PRKDC: variants seen among roughly 807,000 people sequenced by gnomAD.
PRKDC encodes DNA-dependent protein kinase catalytic subunit.
Under a neutral mutation model 486.9 loss-of-function variants are expected in PRKDC, and 82 were observed. That is an observed-to-expected ratio of 0.17 (90% CI 0.14 to 0.20). The LOEUF is 0.20. PRKDC is among the 10% of genes least tolerant of loss of function. The pLI, the probability that PRKDC is intolerant of heterozygous loss-of-function variation, is 1.00. For missense variants in PRKDC, 4,504 were observed against 5,038.2 expected, an observed-to-expected ratio of 0.89 and a Z score of 3.21; for synonymous variants, 1,895 against 1,837.0, an observed-to-expected ratio of 1.03 and a Z score of -0.81.
At chr8:47,957,035 T>G (rs149266938) in intron 3 of PRKDC, 136 bp downstream of exon 3, 3 of 420,054 alleles carry the variant, frequency 7.1e-6, no homozygotes, top group Non-Finnish European at 1.2e-5. Context: ...TGTAACACAA[T>G]GAAGCAGAAA....
Position 47,882,072 on chromosome 8 carries a change from A to G in PRKDC, c.4802T>C (p.Leu1601Ser), listed in dbSNP as rs1022417579. Residue 1601 changes from leucine (L) to serine (S), a missense_variant, in exon 37 of 86, where the codon TTA (leucine) becomes TCA (serine). This residue lies in a region of PRKDC where 1,969 missense variants were observed against 2,068.9 expected (regional missense o/e 0.95). Transcript: ENST00000314191. ...KMVSAVLNGM[L>S]DQSFRERANQ... ...TGCTCGCTCCCTGAAGCTCTGGTCT[A>G]ACATGCCGTTCAAAACGGCACTCAC... is the stretch of plus-strand genomic sequence containing the variant. The G allele has an allele frequency of 1.9e-6, 3 of 1,613,922 alleles. No homozygotes were observed. Among genetic ancestry groups the G allele is most frequent in the East Asian group, 2.2e-5 (1 of 44,888 alleles).
intron 68 of PRKDC, among the ~76,000 whole-genome samples, chr8:47,811,082 T>C (rs2087317086): frequency 6.6e-6 from 1 of 152,064 alleles, no homozygotes. Flanking sequence ...AGAAGGTAAG[T>C]GAACTTCAGA....
chr8:47,872,744 T>C (rs1233937011), intron 40 of PRKDC, among the ~76,000 whole-genome samples: 2 of 152,122 alleles, frequency 1.3e-5, no homozygotes, highest in East Asian at 1.9e-4. Context: ...GATATAACAA[T>C]TGTAAATATA....
Position 47,777,774 on chromosome 8 carries a change from A to G in PRKDC, c.11954T>C (p.Val3985Ala), listed in dbSNP as rs1370766129. Residue 3985 changes from valine (V) to alanine (A), a missense_variant, in exon 84 of 86, where the codon GTA becomes GCA. Coordinates refer to ENST00000314191, the MANE Select transcript of PRKDC (RefSeq NM_006904.7). ...KETGLMYSIM[V>A]HALRAFRSDP... is the part of the protein sequence containing the mutation. ...TGAGCGGAAGGCCCGGAGTGCGTGT[A>G]CCATGATGCTGTACATAAGGCCCGT... is the stretch of plus-strand genomic sequence containing the variant. 23 of 1,614,018 alleles carry G rather than the reference A, an allele frequency of 1.4e-5. No individual in the cohort carries two copies. The highest frequency in any genetic ancestry group is 5.0e-5 in the Admixed American group (3 of 60,018).
intron 20 of PRKDC, 150 bp from the exon 21 acceptor site, chr8:47,927,503 A>G (rs1361187183): frequency 2.9e-6 from 3 of 1,029,902 alleles, no homozygotes; most frequent in Non-Finnish European, 4.2e-6. Flanking sequence ...GGTAATTAGG[A>G]GGAAAGCAAG....
Position 47,891,875 on chromosome 8 carries a change from T to A in PRKDC, c.3847+1264A>T, listed in dbSNP as rs545620847. Among the ~76,000 whole-genome samples, 339 of 152,288 alleles carry A rather than the reference T, an allele frequency of 2.2e-3. 8 individuals are homozygous for A. Among genetic ancestry groups the A allele is most frequent in the Admixed American group, 0.018 (269 of 15,286 alleles). On this transcript the variant is annotated intron_variant, in intron 31 of 85. Transcript: ENST00000314191. Reference sequence around the variant, plus strand: ...GCACTTATTTATGTGAACAAGTTTTTTTTGTTTTGGTTTTATTTTCTGAGA... The same window carrying A: ...GCACTTATTTATGTGAACAAGTTTTATTTGTTTTGGTTTTATTTTCTGAGA...
intron 60 of PRKDC, 102 bp from the exon 61 acceptor site, chr8:47,830,838 G>A (rs1589726917): frequency 7.0e-7 from 1 of 1,428,500 alleles, no homozygotes; most frequent in South Asian, 1.2e-5. Flanking sequence ...CCATGAGGGC[G>A]AAGTGGTGGG....
intron 69 of PRKDC, 141 bp from the exon 70 acceptor site, chr8:47,803,621 C>A: frequency 1.3e-6 from 1 of 744,238 alleles, no homozygotes; most frequent in South Asian, 1.7e-5. Flanking sequence ...AATTATGTCT[C>A]TAAATTTATC....
At position 47,857,145 on chromosome 8, in the gene PRKDC, T is replaced by G. The variant is rs775082929; in HGVS notation, c.6609+11A>C. 4 of 1,611,478 alleles carry G rather than the reference T, an allele frequency of 2.5e-6. No individual in the cohort carries two copies. Among genetic ancestry groups the G allele is most frequent in the Non-Finnish European group, 3.4e-6 (4 of 1,179,010 alleles). ...ATAATATATTAACATAAAAGATGCA[T>G]CAATCCTTACTGTTGGAGTGGCCAA... is the stretch of plus-strand genomic sequence containing the variant. On this transcript the variant is annotated intron_variant, in intron 49 of 85. Coordinates refer to ENST00000314191, the MANE Select transcript of PRKDC (RefSeq NM_006904.7).
Position 47,830,230 on chromosome 8 carries a change from C to T in PRKDC, c.8397+375G>A, listed in dbSNP as rs887538143. Among the ~76,000 whole-genome samples, 5 of 152,226 alleles carry T rather than the reference C, an allele frequency of 3.3e-5. 1 individual carries two copies. Among genetic ancestry groups the T allele is most frequent in the Admixed American group, 3.3e-4 (5 of 15,284 alleles). ...ACTTTTACACCTGTTTGGTAACCTG[C>T]TGTTTTTATGTAACACGTGGTAGAC... is the stretch of plus-strand genomic sequence containing the variant. On this transcript the variant is annotated intron_variant, in intron 61 of 85. Coordinates refer to ENST00000314191, the MANE Select transcript of PRKDC (RefSeq NM_006904.7).
intron 7 of PRKDC, 132 bp downstream of exon 7, chr8:47,953,488 A>G (rs2090657926): frequency 5.8e-6 from 5 of 865,448 alleles, no homozygotes; most frequent in Non-Finnish European, 9.2e-6. Context: ...GAGGGCCCAC[A>G]GGTCCCTCTA....
chr8:47,895,313 C>G (rs2089553341), intron 30 of PRKDC, among the ~76,000 whole-genome samples: 2 of 152,178 alleles, frequency 1.3e-5, no homozygotes, highest in Non-Finnish European at 2.9e-5. Flanking sequence ...TCAAGGAAGG[C>G]TCCTTAATGT....
intron 7 of PRKDC, among the ~76,000 whole-genome samples, chr8:47,951,003 C>G (rs1298752121): frequency 6.6e-6 from 1 of 152,128 alleles, no homozygotes; most frequent in South Asian, 2.1e-4. Flanking sequence ...AATAAAAAAA[C>G]TGAACTTTAG....
At chr8:47,888,888 T>C in intron 33 of PRKDC, 126 bp downstream of exon 33, 2 of 1,117,748 alleles carry the variant, frequency 1.8e-6, no homozygotes, top group Non-Finnish European at 2.5e-6. Flanking sequence ...TTGAGGTCAC[T>C]GGCAGCAAAC....
intron 68 of PRKDC, among the ~76,000 whole-genome samples, chr8:47,809,423 C>A (rs1202203843): frequency 6.6e-6 from 1 of 152,114 alleles, no homozygotes; most frequent in African/African-American, 2.4e-5. Context: ...ATGACTGGAT[C>A]CATAAATGTC....
At chr8:47,938,187 A>C (rs1180086161) in intron 11 of PRKDC, among the ~76,000 whole-genome samples, 1 of 151,834 alleles carries the variant, frequency 6.6e-6, no homozygotes, top group East Asian at 1.9e-4. Flanking sequence ...TGGGCGGATC[A>C]CCTGAGGTCG....
intron 7 of PRKDC, among the ~76,000 whole-genome samples, chr8:47,950,446 A>C (rs1273718338): frequency 6.6e-6 from 1 of 151,358 alleles, no homozygotes; most frequent in Non-Finnish European, 1.5e-5. Flanking sequence ...TAACACGGTG[A>C]AACCCCGTCT....
At chr8:47,954,702 A>T (rs1373281443) in intron 4 of PRKDC, among the ~76,000 whole-genome samples, 1 of 152,190 alleles carries the variant, frequency 6.6e-6, no homozygotes, top group Non-Finnish European at 1.5e-5. Flanking sequence ...AGAATGCTCT[A>T]GGTGTGTTAC....
At chr8:47,938,905 CT>C (rs917159753) in intron 11 of PRKDC, among the ~76,000 whole-genome samples, 2 of 151,572 alleles carry the variant, frequency 1.3e-5, no homozygotes, top group African/African-American at 4.8e-5. Flanking sequence ...GTCATATAAA[CT>C]TTTTTTTTAA....
Sources: gnomAD v4.1 joint callset for allele counts (sites outside exome capture counted in the v4.1 genomes callset) on GRCh38, gnomAD v4.1.1 for gene constraint, gnomAD v4.1.1 regional missense constraint, MANE v1.5 for transcripts, NCBI Gene and HGNC (gene_info 2026-07-23, HGNC 2026-07-21) for gene names.